Variants in IL2RA observed in about 807,000 individuals in gnomAD.
IL2RA encodes interleukin-2 receptor subunit alpha.
Under a neutral mutation model 37.8 loss-of-function variants are expected in IL2RA, and 24 were observed. That is an observed-to-expected ratio of 0.63 (90% CI 0.46 to 0.89). The LOEUF (loss-of-function observed/expected upper bound fraction) is 0.89. Among genes scored for constraint, IL2RA ranks in the 40% least tolerant of loss-of-function variants. The pLI is 0.00. For synonymous variants in IL2RA, 125 were observed against 114.6 expected, an observed-to-expected ratio of 1.09 and a Z score of -0.58; for missense variants, 319 against 348.6, an observed-to-expected ratio of 0.92 and a Z score of 0.68.
intron 1 of IL2RA, among the ~76,000 whole-genome samples, chr10:6,042,254 T>C (rs1356127812): frequency 1.3e-5 from 2 of 149,768 alleles, no homozygotes; most frequent in African/African-American, 4.9e-5. Context: ...TTTTATGGTA[T>C]AAAGGAAGAA....
intron 1 of IL2RA, among the ~76,000 whole-genome samples, chr10:6,042,129 A>G (rs1478635113): frequency 7.3e-6 from 1 of 136,858 alleles, no homozygotes; most frequent in Non-Finnish European, 1.6e-5. Context: ...TTTGCACCTG[A>G]TGCTAGCAAT....
chr10:6,024,084 T>C (rs1369632812), intron 3 of IL2RA, among the ~76,000 whole-genome samples, 160 bp downstream of exon 3: 2 of 152,258 alleles, frequency 1.3e-5, no homozygotes, highest in African/African-American at 4.8e-5. Flanking sequence ...TGAGCAACTC[T>C]GCACTAATTC....
chr10:6,034,207 ACTT>A (rs1214640324), intron 1 of IL2RA, among the ~76,000 whole-genome samples: 2 of 152,176 alleles, frequency 1.3e-5, no homozygotes, highest in Non-Finnish European at 2.9e-5. Flanking sequence ...AAGTTCCAGA[ACTT>A]CTTATTCTCA....
rs916915197 is a variant in IL2RA at position 6,022,510 on chromosome 10, C to A, written c.368-817G>T. Among the ~76,000 whole-genome samples, 1 of 152,172 alleles carries A rather than the reference C, an allele frequency of 6.6e-6. No homozygotes were observed. The highest frequency in any genetic ancestry group is 2.1e-4 in the South Asian group (1 of 4,828). The stretch of plus-strand genomic sequence containing the variant: ...CCTCTAACCCCAGCCTGTGAAACTG[C>A]GCACGTGCTCTGAACTTCCAGACTC... On this transcript the variant is annotated intron_variant, in intron 3 of 7. Transcript: ENST00000379959. The surrounding 1 kb of genome is among the most constrained non-coding windows in gnomAD (Gnocchi z 4.7).
chr10:6,036,430 T>C lies in IL2RA; in HGVS notation c.65-10405A>G, dbSNP rs1162197829. 1 of 152,206 alleles carries C rather than the reference T, an allele frequency of 6.6e-6. No individual in the cohort carries two copies. The highest frequency in any genetic ancestry group is 1.9e-4 in the East Asian group (1 of 5,188). The allele number at this position is 152,206 out of a possible 1,614,324, so 9.4% of individuals were successfully genotyped here. ...AGGAACTTGGTGAAATGAGGTGGTC[T>C]TTGCCTTCCGCGTCACTCTCTGCTC... On this transcript the variant is annotated intron_variant, in intron 1 of 7. Transcript: ENST00000379959. This position sits in a 1 kb window ranked among gnomAD's most constrained non-coding sequence, Gnocchi z 6.1.
At position 6,015,509 on chromosome 10, in the gene IL2RA, C is replaced by T. The variant is rs931692367; in HGVS notation, c.794+2544G>A. 3.9e-5 allele frequency among the ~76,000 whole-genome samples: 6 copies of T among 152,276 alleles called. No homozygotes were observed. Among genetic ancestry groups the T allele is most frequent in the East Asian group, 1.9e-4 (1 of 5,186 alleles). On this transcript the variant is annotated intron_variant, in intron 7 of 7. Transcript: ENST00000379959. The surrounding 1 kb of genome is among the most constrained non-coding windows in gnomAD (Gnocchi z 4.9). The stretch of plus-strand genomic sequence containing the variant: ...TACAGATTCCTGGACCTAAGCAAGA[C>T]GACTGCGTCAGAAACTCCACAGGTG...
At chr10:6,051,188 C>A (rs1053562987) in intron 1 of IL2RA, among the ~76,000 whole-genome samples, 2 of 152,096 alleles carry the variant, frequency 1.3e-5, no homozygotes, top group African/African-American at 4.8e-5. Context: ...GAAGCAGAGA[C>A]CACACTGGTG....
intron 1 of IL2RA, among the ~76,000 whole-genome samples, chr10:6,051,846 A>ATATATATATATATATATATAT (rs1839968622): frequency 1.9e-4 from 3 of 15,392 alleles, no homozygotes; most frequent in Non-Finnish European, 3.8e-4. Flanking sequence ...TATATATAGA[A>ATATATATATATATATATATAT]TTTTTTAAGG....
chr10:6,025,907 C>T lies in IL2RA; in HGVS notation c.183G>A (p.Gly61=). ...CKRGFRRIKS[G]SLYMLCTGNS... ...TTCCTGTACAGAGCATATAGAGTGA[C>T]CCGCTTTTTATTCTGCGGAAACCTC... Residue 61 remains glycine (G), a synonymous_variant, in exon 2 of 8, where the codon GGG becomes GGA. Coordinates refer to ENST00000379959, the MANE Select transcript of IL2RA (RefSeq NM_000417.3). The surrounding 1 kb of genome is among the most constrained non-coding windows in gnomAD (Gnocchi z 4.4). 2 of 1,614,192 alleles carry T rather than the reference C, an allele frequency of 1.2e-6. No homozygotes were observed. Among genetic ancestry groups the T allele is most frequent in the South Asian group, 1.1e-5 (1 of 91,080 alleles).
At position 6,011,894 on chromosome 10, in the gene IL2RA, C is replaced by T. The variant is rs1294753025; in HGVS notation, c.*978G>A. On this transcript the variant is annotated 3_prime_UTR_variant, in exon 8 of 8. Coordinates refer to ENST00000379959, the MANE Select transcript of IL2RA (RefSeq NM_000417.3). This position sits in a 1 kb window ranked among gnomAD's most constrained non-coding sequence, Gnocchi z 5.2. ...TACCAGTGTGACCTCCATCCCTTCTCCCTCTTCACTTCCTTCTTTCTTTCC... is the reference window on the plus strand; with the variant it reads ...TACCAGTGTGACCTCCATCCCTTCTTCCTCTTCACTTCCTTCTTTCTTTCC... The T allele has an allele frequency of 1.3e-5, 2 of 152,386 alleles. No homozygotes were observed. Among genetic ancestry groups the T allele is most frequent in the Non-Finnish European group, 2.9e-5 (2 of 68,074 alleles). The allele number at this position is 152,386 out of a possible 1,614,324, so 9.4% of individuals were successfully genotyped here. A position where few individuals can be genotyped will look rare whatever the true frequency, so the allele number is the denominator to read the frequency against.
intron 1 of IL2RA, among the ~76,000 whole-genome samples, chr10:6,045,428 A>G (rs1374841563): frequency 1.3e-5 from 2 of 152,128 alleles, no homozygotes; most frequent in African/African-American, 4.8e-5. Flanking sequence ...CTAAACCATC[A>G]CATTTTGGGA....
intron 3 of IL2RA, 101 bp downstream of exon 3, chr10:6,024,143 T>C: frequency 1.3e-6 from 1 of 787,840 alleles, no homozygotes; most frequent in Non-Finnish European, 2.3e-6. Flanking sequence ...CATGTGTTTA[T>C]AGAAGGCAGG....
rs1839906294 is a variant in IL2RA, at chr10:6,048,926, G to A, written c.64+13162C>T. Among the ~76,000 whole-genome samples, 1 of 152,352 alleles carries A rather than the reference G, an allele frequency of 6.6e-6. No homozygotes were observed. Among genetic ancestry groups the A allele is most frequent in the South Asian group, 2.1e-4 (1 of 4,826 alleles). On this transcript the variant is annotated intron_variant, in intron 1 of 7. Transcript: ENST00000379959. The surrounding 1 kb of genome is among the most constrained non-coding windows in gnomAD (Gnocchi z 5.3). The stretch of plus-strand genomic sequence containing the variant: ...GTGCCTGAGCTCTCCTGCCTTGCGG[G>A]ACTCTGCGTGGCTCTTGGAGCTCAC...
intron 1 of IL2RA, among the ~76,000 whole-genome samples, chr10:6,061,748 A>C (rs999894100): frequency 1.3e-5 from 2 of 152,210 alleles, no homozygotes; most frequent in Non-Finnish European, 2.9e-5. Context: ...ATAAAAGGAA[A>C]TTCATTGAAG....
chr10:6,013,156 T>C (rs1477220580), intron 7 of IL2RA, among the ~76,000 whole-genome samples: 1 of 152,118 alleles, frequency 6.6e-6, no homozygotes, highest in Non-Finnish European at 1.5e-5. Context: ...ACAATAGCTG[T>C]GGAACAGGAA....
rs1235576608 is a variant in IL2RA at position 6,029,980 on chromosome 10, C to G, written c.65-3955G>C. ...TTGGCCTCCCAAAGTGCTGGGATTA[C>G]AGGTGTGAGCCACCGTGCCCAGCCA... On this transcript the variant is annotated intron_variant, in intron 1 of 7. Coordinates refer to ENST00000379959, the MANE Select transcript of IL2RA (RefSeq NM_000417.3). This position sits in a 1 kb window ranked among gnomAD's most constrained non-coding sequence, Gnocchi z 4.6. 1.3e-5 allele frequency among the ~76,000 whole-genome samples: 2 copies of G among 152,304 alleles called. No individual in the cohort carries two copies. Among genetic ancestry groups the G allele is most frequent in the East Asian group, 3.9e-4 (2 of 5,184 alleles).
intron 1 of IL2RA, among the ~76,000 whole-genome samples, chr10:6,050,782 C>T (rs1839940097): frequency 6.6e-6 from 1 of 152,208 alleles, no homozygotes. Flanking sequence ...GCTGGGATCC[C>T]AGTGCAGGAC....
chr10:6,044,200 G>C lies in IL2RA; in HGVS notation c.64+17888C>G. 6.6e-6 allele frequency among the ~76,000 whole-genome samples: 1 copy of C among 152,240 alleles called. No individual in the cohort carries two copies. Among genetic ancestry groups the C allele is most frequent in the East Asian group, 1.9e-4 (1 of 5,196 alleles). On this transcript the variant is annotated intron_variant, in intron 1 of 7. Coordinates refer to ENST00000379959, the MANE Select transcript of IL2RA (RefSeq NM_000417.3). The surrounding 1 kb of genome is among the most constrained non-coding windows in gnomAD (Gnocchi z 4.5). ...GTGATGCAGGACAAGCGAGCCCCGA[G>C]GTGGGGCTTAGCCCGCAAGGGTTCT...
chr10:6,026,045 T>C lies in IL2RA; in HGVS notation c.65-20A>G, dbSNP rs12722687. ...AGAGCTCTGCAAAGCAAAAGAAGCC[T>C]ATTAGGAACTCAAGAGGCCCCAGGC... On this transcript the variant is annotated intron_variant, in intron 1 of 7. Coordinates refer to ENST00000379959, the MANE Select transcript of IL2RA (RefSeq NM_000417.3). 1,582 of 1,612,014 alleles carry C rather than the reference T, an allele frequency of 9.8e-4. 20 individuals carry two copies. In the African/African-American group the frequency reaches 0.018, roughly 19 times the overall value.
Sources: allele counts gnomAD v4.1 joint callset (sites outside exome capture counted in the v4.1 genomes callset), GRCh38; gene constraint gnomAD v4.1.1; non-coding constraint Gnocchi (gnomAD v3.1); transcripts MANE v1.5; gene names NCBI Gene and HGNC (gene_info 2026-07-23, HGNC 2026-07-21).